FOXP2: variants seen among roughly 807,000 people sequenced by gnomAD.
The protein encoded by FOXP2 is forkhead box protein P2.
FOXP2 carries 12 observed loss-of-function variants against 115.8 expected under a neutral mutation model. That is an observed-to-expected ratio of 0.10 (90% confidence interval 0.07 to 0.17). The LOEUF (loss-of-function observed/expected upper bound fraction) is 0.17. Among genes scored for constraint, FOXP2 ranks in the 10% least tolerant of loss-of-function variants. The probability of loss-of-function intolerance (pLI) is 1.00; values close to 1 mark genes in which losing one functional copy is unlikely to be tolerated. For synonymous variants in FOXP2, 328 were observed against 297.7 expected, an observed-to-expected ratio of 1.10 and a Z score of -1.05; for missense variants, 629 against 843.5, an observed-to-expected ratio of 0.75 and a Z score of 3.15.
chr7:114,430,283 A>C (rs1032519664), intron 2 of FOXP2, among the ~76,000 whole-genome samples: 2 of 151,762 alleles, frequency 1.3e-5, no homozygotes, highest in Non-Finnish European at 3.0e-5. Context: ...AGTATAATGA[A>C]ATTACAAACG....
intron 1 of FOXP2, among the ~76,000 whole-genome samples, chr7:114,425,886 C>T (rs552379438): frequency 9.9e-5 from 15 of 151,680 alleles, no homozygotes; most frequent in Non-Finnish European, 1.6e-4. Context: ...CAATATCTGA[C>T]GTGTTTGCAG....
chr7:114,645,489 G>GT (rs1805837712), intron 8 of FOXP2: 1 of 151,736 alleles, frequency 6.6e-6, no homozygotes, highest in Non-Finnish European at 1.5e-5. Context: ...TCTTTTTCAA[G>GT]TGAAAATCTT....
chr7:114,090,554 G>T (rs1799521696), intron 1 of FOXP2, among the ~76,000 whole-genome samples: 1 of 151,700 alleles, frequency 6.6e-6, no homozygotes, highest in Non-Finnish European at 1.5e-5. Flanking sequence ...AACCCAGAAA[G>T]ATTCCTCTTT....
chr7:114,558,171 T>C (rs919964006), intron 3 of FOXP2, among the ~76,000 whole-genome samples: 1 of 152,128 alleles, frequency 6.6e-6, no homozygotes, highest in Non-Finnish European at 1.5e-5. Flanking sequence ...TATTAAGTAA[T>C]AAAACACGTA....
chr7:114,440,783 A>G (rs552649150), intron 2 of FOXP2, among the ~76,000 whole-genome samples: 20 of 152,178 alleles, frequency 1.3e-4, no homozygotes, highest in Non-Finnish European at 2.9e-4. Context: ...GCTTGATCCT[A>G]CTGTACATCA....
chr7:114,659,566 T>C lies in FOXP2; in HGVS notation c.1546-6T>C. On this transcript the variant is annotated splice_region_variant and splice_polypyrimidine_tract_variant and intron_variant, in intron 12 of 16. Transcript: ENST00000350908. ...TTATGTCACTATGTATCTTGTCTCATTTCAGGCTATCATGGAGTCATCTGA... is the reference window on the plus strand; with the variant it reads ...TTATGTCACTATGTATCTTGTCTCACTTCAGGCTATCATGGAGTCATCTGA... 6.2e-7 allele frequency: 1 copy of C among 1,612,618 alleles called. No individual in the cohort carries two copies. The highest frequency in any genetic ancestry group is 2.2e-5 in the East Asian group (1 of 44,838).
At chr7:114,365,667 G>T (rs1007103644) in intron 2 of FOXP2, among the ~76,000 whole-genome samples, 2 of 151,984 alleles carry the variant, frequency 1.3e-5, no homozygotes, top group African/African-American at 4.8e-5. Flanking sequence ...CCTTTACTAA[G>T]ATTTTTTAAG....
At chr7:114,442,046 T>C (rs1167113771) in intron 2 of FOXP2, among the ~76,000 whole-genome samples, 1 of 152,132 alleles carries the variant, frequency 6.6e-6, no homozygotes, top group East Asian at 1.9e-4. Context: ...CATATATTTA[T>C]AAAGGATATA....
chr7:114,334,928 A>AATAT (rs1425036052), intron 2 of FOXP2, among the ~76,000 whole-genome samples: 24 of 111,812 alleles, frequency 2.1e-4, no homozygotes, highest in African/African-American at 6.7e-4. Context: ...TATATATAGA[A>AATAT]ATCTATATAT....
chr7:114,609,748 A>G (rs1258463420), intron 3 of FOXP2, among the ~76,000 whole-genome samples: 3 of 152,116 alleles, frequency 2.0e-5, no homozygotes, highest in Non-Finnish European at 4.4e-5. Flanking sequence ...TTCCTCATTT[A>G]TGTCATTAAG....
intron 2 of FOXP2, among the ~76,000 whole-genome samples, chr7:114,318,627 A>T (rs1797333789): frequency 6.6e-6 from 1 of 151,776 alleles, no homozygotes; most frequent in Admixed American, 6.6e-5. Flanking sequence ...ACTCAAATAC[A>T]TTAAAGGAAT....
At position 114,163,613 on chromosome 7, in the gene FOXP2, T is replaced by G. The variant is rs118151935; in HGVS notation, c.-102+525T>G. 2.7e-3 allele frequency among the ~76,000 whole-genome samples: 407 copies of G among 152,280 alleles called. 3 individuals carry two copies. The South Asian group carries it at 0.03, about 11-fold the overall frequency. On this transcript the variant is annotated intron_variant, in intron 1 of 17. Coordinates refer to the FOXP2 transcript ENST00000634411. Reference sequence around the variant, plus strand: ...AAATATATCAATTTTGTCGGCTCAGTGTACTGGAAAGACTGATTCCCTATC... The same window carrying G: ...AAATATATCAATTTTGTCGGCTCAGGGTACTGGAAAGACTGATTCCCTATC...
intron 2 of FOXP2, among the ~76,000 whole-genome samples, chr7:114,311,134 T>C (rs1189242522): frequency 6.6e-6 from 1 of 152,094 alleles, no homozygotes; most frequent in Non-Finnish European, 1.5e-5. Flanking sequence ...GACCAATTAT[T>C]TTAGAGAGAT....
chr7:114,491,733 A>T (rs1797065507), intron 2 of FOXP2, among the ~76,000 whole-genome samples: 1 of 152,152 alleles, frequency 6.6e-6, no homozygotes, highest in Non-Finnish European at 1.5e-5. Flanking sequence ...GCGTATGTTG[A>T]ACCAGCCTTG....
At chr7:114,493,653 C>A (rs1279496755) in intron 2 of FOXP2, among the ~76,000 whole-genome samples, 1 of 152,014 alleles carries the variant, frequency 6.6e-6, no homozygotes, top group Non-Finnish European at 1.5e-5. Context: ...CACCCACACA[C>A]ACATACTCTC....
intron 3 of FOXP2, among the ~76,000 whole-genome samples, chr7:114,594,729 G>A (rs1802608666): frequency 6.6e-6 from 1 of 151,982 alleles, no homozygotes; most frequent in Non-Finnish European, 1.5e-5. Flanking sequence ...TGATTATGTT[G>A]AAATACACTA....
At chr7:114,210,487 G>A (rs963224950) in intron 1 of FOXP2, among the ~76,000 whole-genome samples, 10 of 152,072 alleles carry the variant, frequency 6.6e-5, no homozygotes, top group African/African-American at 2.2e-4. Context: ...TGATGGCTGC[G>A]AAACAGGAAA....
chr7:114,518,347 G>A (rs1798444571), intron 2 of FOXP2, among the ~76,000 whole-genome samples: 1 of 151,908 alleles, frequency 6.6e-6, no homozygotes, highest in Non-Finnish European at 1.5e-5. Flanking sequence ...TCCTTGTATA[G>A]GAAAATACTT....
At chr7:114,146,417 T>C (rs1024797209) in intron 1 of FOXP2, among the ~76,000 whole-genome samples, 7 of 152,206 alleles carry the variant, frequency 4.6e-5, no homozygotes, top group Non-Finnish European at 1.0e-4. Context: ...GCTCTGCACA[T>C]AGATTCAATG....
Sources: allele counts gnomAD v4.1 joint callset (sites outside exome capture counted in the v4.1 genomes callset), GRCh38; gene constraint gnomAD v4.1.1; transcripts MANE v1.5; gene names NCBI Gene and HGNC (gene_info 2026-07-23, HGNC 2026-07-21).